MEI1: variants seen among roughly 807,000 people sequenced by gnomAD.
The protein encoded by MEI1 is meiosis inhibitor protein 1.
A neutral mutation model predicts 146.2 loss-of-function variants in MEI1; 103 were observed. The observed-to-expected ratio is 0.70, with a 90% confidence interval of 0.60 to 0.83. MEI1 has a LOEUF of 0.83. MEI1 is among the 40% of genes least tolerant of loss of function. MEI1 has a pLI of 0.00. For synonymous variants in MEI1, 652 were observed against 628.2 expected (o/e 1.04, Z -0.57); for missense variants, 1,529 against 1,533.0 (o/e 1.00, Z 0.04).
chr22:41,757,540 A>G (rs1051038559), intron 17 of MEI1, among the ~76,000 whole-genome samples: 1 of 151,776 alleles, frequency 6.6e-6, no homozygotes, highest in Non-Finnish European at 1.5e-5. Context: ...GTATTTTTGT[A>G]GGGACGGGGT....
At chr22:41,727,483 T>TG (rs1423868817) in intron 7 of MEI1, among the ~76,000 whole-genome samples, 2 of 152,166 alleles carry the variant, frequency 1.3e-5, no homozygotes, top group South Asian at 2.1e-4. Flanking sequence ...AAAATTCTGA[T>TG]GGGGGAGGCA....
rs1181084459 is a variant in MEI1 at position 41,778,721 on chromosome 22, A to G, written c.2724A>G (p.Leu908=). The G allele has an allele frequency of 1.2e-6, 2 of 1,604,902 alleles. No homozygotes were observed. The highest frequency in any genetic ancestry group is 2.7e-5 in the African/African-American group (2 of 74,710). Residue 908 remains leucine, a synonymous_variant, in exon 22 of 31, where the codon CTA becomes CTG. Coordinates refer to ENST00000401548, the MANE Select transcript of MEI1 (RefSeq NM_152513.4). ...GASPSGASGN[L]PLLLSLLSLM... ...TGTTCTTCACAGCCTCGGGGAACCT[A>G]CCATTGCTGCTGAGCCTCCTCTCCC...
chr22:41,738,987 T>C (rs148950411), intron 11 of MEI1, among the ~76,000 whole-genome samples: 97 of 151,628 alleles, frequency 6.4e-4, no homozygotes, highest in African/African-American at 2.2e-3. Flanking sequence ...AAATAAATTA[T>C]AGAGGATTTA....
chr22:41,788,729 A>G (rs1240960209), intron 26 of MEI1, among the ~76,000 whole-genome samples: 1 of 152,054 alleles, frequency 6.6e-6, no homozygotes, highest in African/African-American at 2.4e-5. Context: ...GTGTGAGCCA[A>G]CGTGCCCAGC....
chr22:41,772,228 A>G (rs955619182), intron 20 of MEI1, among the ~76,000 whole-genome samples: 2 of 152,070 alleles, frequency 1.3e-5, no homozygotes, highest in African/African-American at 4.8e-5. Context: ...TATCTTATTT[A>G]TTTTTATTTT....
At chr22:41,730,732 T>G (rs1273219733) in intron 9 of MEI1, 95 bp downstream of exon 9, 2 of 763,556 alleles carry the variant, frequency 2.6e-6, no homozygotes, top group African/African-American at 3.4e-5. Flanking sequence ...GCCTCCACCT[T>G]GGAGGGGAGC....
chr22:41,713,106 G>A (rs569754007), intron 3 of MEI1, among the ~76,000 whole-genome samples: 4 of 152,222 alleles, frequency 2.6e-5, no homozygotes, highest in East Asian at 1.9e-4. Flanking sequence ...ACCGCGCCCG[G>A]CTGGGCATTA....
intron 30 of MEI1, among the ~76,000 whole-genome samples, chr22:41,796,302 C>T (rs1181731324): frequency 6.6e-6 from 1 of 151,958 alleles, no homozygotes; most frequent in East Asian, 1.9e-4. Flanking sequence ...ATTCTCCTGC[C>T]TCAGCCTCCC....
chr22:41,749,922 A>C (rs2073634154), intron 15 of MEI1, among the ~76,000 whole-genome samples: 1 of 152,134 alleles, frequency 6.6e-6, no homozygotes, highest in East Asian at 1.9e-4. Context: ...GGGTATGGTC[A>C]GTTTGGGTCA....
chr22:41,722,028 T>TC, intron 6 of MEI1: 1 of 151,108 alleles, frequency 6.6e-6, no homozygotes, highest in Non-Finnish European at 1.5e-5. Context: ...CTCTTTTTTT[T>TC]TTTTTTTAAA....
intron 18 of MEI1, chr22:41,759,461 C>A (rs1191860478): frequency 1.3e-5 from 2 of 151,916 alleles, no homozygotes; most frequent in African/African-American, 4.8e-5. Context: ...AACCCCGTCT[C>A]TACTAAAAAT....
At chr22:41,776,969 G>A (rs1025504788) in intron 21 of MEI1, among the ~76,000 whole-genome samples, 9 of 151,132 alleles carry the variant, frequency 6.0e-5, no homozygotes, top group African/African-American at 1.9e-4. Flanking sequence ...TGTGTGCCAC[G>A]ACACCCAGCT....
At chr22:41,788,062 G>C (rs771434855) in intron 26 of MEI1, among the ~76,000 whole-genome samples, 7 of 152,080 alleles carry the variant, frequency 4.6e-5, no homozygotes, top group Non-Finnish European at 4.4e-5. Flanking sequence ...ATGGAGTCTC[G>C]CTCTGTCACC....
intron 19 of MEI1, chr22:41,767,612 G>A: frequency 4.4e-6 from 2 of 455,876 alleles, no homozygotes; most frequent in South Asian, 3.1e-5. Context: ...TTCCTAAGCT[G>A]TTGAACACAA....
At chr22:41,726,836 A>G (rs562674394) in intron 7 of MEI1, among the ~76,000 whole-genome samples, 1 of 150,550 alleles carries the variant, frequency 6.6e-6, no homozygotes, top group Non-Finnish European at 1.5e-5. Flanking sequence ...TGCAGTGGCG[A>G]TATCTTGGCT....
In MEI1 at chr22:41,753,774, C is replaced by T. The variant is rs2073924800; in HGVS notation, c.1854-175C>T. ...AATTACAGGCATAAGCCACTGTGCC[C>T]AGCCCCATATTTACTTTTCATAGCC... is the stretch of plus-strand genomic sequence containing the variant. On this transcript the variant is annotated intron_variant, in intron 16 of 30. Transcript: ENST00000401548. 12 of 563,314 alleles carry T rather than the reference C, an allele frequency of 2.1e-5. No individual in the cohort carries two copies. In the South Asian group the frequency reaches 2.4e-4, roughly 11 times the overall value. 34.9% of individuals were successfully genotyped at this position (563,314 alleles called of 1,614,324 possible).
At chr22:41,727,119 T>C (rs942155955) in intron 7 of MEI1, among the ~76,000 whole-genome samples, 2 of 152,176 alleles carry the variant, frequency 1.3e-5, no homozygotes, top group African/African-American at 4.8e-5. Flanking sequence ...GAAGGCTGTT[T>C]ATGTGTCCAC....
chr22:41,752,645 G>C lies in MEI1; in HGVS notation c.1847G>C (p.Gly616Ala). ...GAGCTGAAGGCCAGGTTTTGCAGTG[G>C]TCTGAGGTATGTGTGGTCCCAGGCA... ...TLELKARFCS[G>A]LSHSALNQVC... The change falls in exon 16 of 31, where the codon GGT becomes GCT. Residue 616 changes from glycine (G) to alanine (A), a missense_variant. Coordinates refer to ENST00000401548, the MANE Select transcript of MEI1 (RefSeq NM_152513.4). 1 of 1,595,160 alleles carries C rather than the reference G, an allele frequency of 6.3e-7. No homozygotes were observed. Among genetic ancestry groups the C allele is most frequent in the East Asian group, 2.3e-5 (1 of 44,302 alleles).
At chr22:41,716,656 G>A (rs997625789) in intron 5 of MEI1, among the ~76,000 whole-genome samples, 3 of 147,452 alleles carry the variant, frequency 2.0e-5, no homozygotes, top group South Asian at 2.1e-4. Flanking sequence ...GATTACAGGC[G>A]TGAGCCACCA....
Sources: allele counts gnomAD v4.1 joint callset (sites outside exome capture counted in the v4.1 genomes callset), GRCh38; gene constraint gnomAD v4.1.1; transcripts MANE v1.5; gene names NCBI Gene and HGNC (gene_info 2026-07-23, HGNC 2026-07-21).